The following IGSF22 variants were observed in gnomAD, a reference collection of about 807,000 sequenced individuals.
The protein encoded by IGSF22 is immunoglobulin superfamily member 22.
Under a neutral mutation model 127.0 loss-of-function variants are expected in IGSF22, and 119 were observed. That is an observed-to-expected ratio of 0.94 (90% CI 0.81 to 1.09). The LOEUF (loss-of-function observed/expected upper bound fraction) is 1.09. Ranked by LOEUF, IGSF22 falls within the 50% of genes least tolerant of loss-of-function variation. The probability of loss-of-function intolerance (pLI) is 0.00; values close to 1 mark genes in which losing one functional copy is unlikely to be tolerated. For synonymous variants in IGSF22, 568 were observed against 664.7 expected, an observed-to-expected ratio of 0.85 and a Z score of 2.24; for missense variants, 1,518 against 1,716.6, an observed-to-expected ratio of 0.88 and a Z score of 2.04.
In IGSF22 at chr11:18,705,975, A is replaced by G. The variant is rs1474156705; in HGVS notation, c.3752T>C (p.Val1251Ala). The change falls in exon 22 of 23, where the codon GTC (valine) becomes GCC (alanine). Residue 1251 changes from valine to alanine, a missense_variant. By Grantham distance (64) the Val-to-Ala change is moderately conservative. Coordinates refer to ENST00000513874, the MANE Select transcript of IGSF22 (RefSeq NM_173588.4). ...RPTVTLYKGD[V>A]NITANSKFWY... ...GAACTTGGAGTTGGCCGTGATGTTG[A>G]CGTCGCCCTTGTAGAGGGTCACTGT... The G allele has an allele frequency of 4.5e-6, 7 of 1,551,608 alleles. No homozygotes were observed. Among genetic ancestry groups the G allele is most frequent in the Non-Finnish European group, 5.2e-6 (6 of 1,146,984 alleles).
chr11:18,711,683 C>T (rs1848359509), intron 15 of IGSF22, among the ~76,000 whole-genome samples: 1 of 152,206 alleles, frequency 6.6e-6, no homozygotes, highest in South Asian at 2.1e-4. Context: ...CAGGTGTGCG[C>T]CACTGTGCCC....
intron 1 of IGSF22, among the ~76,000 whole-genome samples, chr11:18,725,535 G>A (rs1848638443): frequency 6.6e-6 from 1 of 151,684 alleles, no homozygotes; most frequent in Non-Finnish European, 1.5e-5. Context: ...CTGCCTCCCA[G>A]GTTCAAGCAA....
At position 18,720,109 on chromosome 11, in the gene IGSF22, G is replaced by A. The variant is rs1848542849; in HGVS notation, c.479-6C>T. On this transcript the variant is annotated splice_polypyrimidine_tract_variant and splice_region_variant and intron_variant, in intron 5 of 22. Transcript: ENST00000513874. ...GAAGTCCATTTTCTCTTGACCTGAG[G>A]ATAGACAGAGGGACAGGTTCAGACA... 3 of 1,614,022 alleles carry A rather than the reference G, an allele frequency of 1.9e-6. No homozygotes were observed. Among genetic ancestry groups the A allele is most frequent in the Non-Finnish European group, 2.5e-6 (3 of 1,179,996 alleles).
intron 2 of IGSF22, among the ~76,000 whole-genome samples, 153 bp downstream of exon 2, chr11:18,723,975 C>T (rs1398298425): frequency 2.0e-5 from 3 of 152,202 alleles, no homozygotes; most frequent in African/African-American, 7.2e-5. Context: ...TTAACAAAGC[C>T]AAGATTAGAA....
chr11:18,710,860 G>A, intron 15 of IGSF22, 32 bp from the exon 16 acceptor site: 1 of 1,586,040 alleles, frequency 6.3e-7, no homozygotes. Flanking sequence ...CAAAGGTTAG[G>A]AGGGGGAGCA....
intron 1 of IGSF22, among the ~76,000 whole-genome samples, chr11:18,725,580 A>G (rs1848639221): frequency 6.6e-6 from 1 of 152,094 alleles, no homozygotes; most frequent in South Asian, 2.1e-4. Context: ...AGCTGGGACT[A>G]CAGGCACCCG....
Position 18,706,077 on chromosome 11 carries a change from G to A in IGSF22, c.3650C>T (p.Thr1217Met), listed in dbSNP as rs1444970986. ...GAGCACCGTGTGTGGCTTGAGGGGCGTCACGAAGCGCGGCGCGTGGCGCCA... is the reference window on the plus strand; with the variant it reads ...GAGCACCGTGTGTGGCTTGAGGGGCATCACGAAGCGCGGCGCGTGGCGCCA... ...KDWRHAPRFVTPLKPHTVLRG... is the reference protein window; with the variant it reads ...KDWRHAPRFVMPLKPHTVLRG... The change falls in exon 22 of 23, where the codon ACG becomes ATG. Residue 1217 changes from threonine (T) to methionine (M), a missense_variant. This residue lies in a region of IGSF22 where 1,456 missense variants were observed against 1,644.9 expected (regional missense o/e 0.89). Transcript: ENST00000513874. The A allele has an allele frequency of 3.2e-6, 5 of 1,549,882 alleles. No individual in the cohort carries two copies. The African/African-American group carries it at 6.8e-5, about 21-fold the overall frequency.
At position 18,724,237 on chromosome 11, in the gene IGSF22, G is replaced by A. The variant is rs771853180; in HGVS notation, c.-1C>T. The stretch of plus-strand genomic sequence containing the variant: ...TCTGCCGGCTGTGAATGGTTGTCAT[G>A]GTGACAGCAGGCGTGGGCACTCACC... On this transcript the variant is annotated 5_prime_UTR_variant, in exon 2 of 23. Transcript: ENST00000513874. 2.5e-6 allele frequency: 4 copies of A among 1,611,322 alleles called. No individual in the cohort carries two copies. Among genetic ancestry groups the A allele is most frequent in the Admixed American group, 3.3e-5 (2 of 60,000 alleles).
rs1406296527 is a variant in IGSF22 at position 18,710,366 on chromosome 11, T to G, written c.2662A>C (p.Ser888Arg). ...GCCACTACTGAGCTGGATGGCACACTGGGCTGTCCAGGGCCTGCCTTATTT... is the reference window on the plus strand; with the variant it reads ...GCCACTACTGAGCTGGATGGCACACGGGGCTGTCCAGGGCCTGCCTTATTT... ...AVNKAGPGQP[S>R]VPSSSVVAKD... The change falls in exon 17 of 23, where the codon AGT becomes CGT. Residue 888 changes from serine (S) to arginine (R), a missense_variant. Physicochemically the swap from Ser to Arg is moderately radical, Grantham distance 110 (BLOSUM62 -1). This residue lies in a region of IGSF22 where 1,456 missense variants were observed against 1,644.9 expected (regional missense o/e 0.89). Transcript: ENST00000513874. The G allele has an allele frequency of 1.2e-6, 2 of 1,614,118 alleles. No individual in the cohort carries two copies. The highest frequency in any genetic ancestry group is 1.6e-4 in the Middle Eastern group (1 of 6,084).
chr11:18,717,374 T>G lies in IGSF22; in HGVS notation c.974-374A>C, dbSNP rs559579416. On this transcript the variant is annotated intron_variant, in intron 9 of 22. Coordinates refer to ENST00000513874, the MANE Select transcript of IGSF22 (RefSeq NM_173588.4). Reference sequence around the variant, plus strand: ...TGACCTAAATCACAAAGCTCATAAGTGGCAGAAAGCGGGATTTGACCTCTA... The same window carrying G: ...TGACCTAAATCACAAAGCTCATAAGGGGCAGAAAGCGGGATTTGACCTCTA... Among the ~76,000 whole-genome samples the G allele has an allele frequency of 2.6e-5, 4 of 152,320 alleles. No individual in the cohort carries two copies. In the South Asian group the frequency reaches 6.2e-4, roughly 24 times the overall value.
At position 18,721,935 on chromosome 11, in the gene IGSF22, C is replaced by A. The variant is rs1554905917; in HGVS notation, c.216G>T (p.Lys72Asn). 1.2e-6 allele frequency: 2 copies of A among 1,613,692 alleles called. No individual in the cohort carries two copies. Among genetic ancestry groups the A allele is most frequent in the Non-Finnish European group, 1.7e-6 (2 of 1,180,036 alleles). The change falls in exon 3 of 23, where the codon AAG (lysine) becomes AAT (asparagine). Residue 72 changes from lysine to asparagine, a missense_variant. By Grantham distance (94) the Lys-to-Asn change is moderately conservative. Around this residue, in one of 3 missense-constraint regions of IGSF22, gnomAD observed 1,456 missense variants for 1,644.9 expected, o/e 0.89. Transcript: ENST00000513874. ...AGDSVPEFVEKPQPVTAPEGD... is the reference protein window; with the variant it reads ...AGDSVPEFVENPQPVTAPEGD... ...CCTCGGGCGCGGTGACCGGTTGAGG[C>A]TTCTCCACGAACTCAGGGACGCTGT...
rs1298891053 is a variant in IGSF22 at position 18,709,368 on chromosome 11, G to GC, written c.2998+18dup. 1 of 1,609,416 alleles carries GC rather than the reference G, an allele frequency of 6.2e-7. No individual in the cohort carries two copies. On this transcript the variant is annotated intron_variant, in intron 18 of 22. Transcript: ENST00000513874. This position sits in a 1 kb window ranked among gnomAD's most constrained non-coding sequence, Gnocchi z 4.8. ...GTACAATGTTGGGCATGAATCCCCAGCCCTCTCTGTGTCCTCACCTGGTGG... is the reference window on the plus strand; with the variant it reads ...GTACAATGTTGGGCATGAATCCCCAGCCCCTCTCTGTGTCCTCACCTGGTGG...
chr11:18,714,738 A>T, intron 11 of IGSF22, 114 bp from the exon 12 acceptor site: 1 of 1,382,120 alleles, frequency 7.2e-7, no homozygotes, highest in Non-Finnish European at 9.7e-7. Context: ...GCGTCAATCA[A>T]AATAATTTAT....
At position 18,714,200 on chromosome 11, in the gene IGSF22, T is replaced by C. The variant is rs779973354; in HGVS notation, c.1799-52A>G. 5 of 1,593,854 alleles carry C rather than the reference T, an allele frequency of 3.1e-6. No homozygotes were observed. The East Asian group carries it at 6.7e-5, about 21-fold the overall frequency. ...TTGAGCATTGGCATGGAGGAGCCCA[T>C]GGGGCGGGGGAGAAGCCATGAGCTT... On this transcript the variant is annotated intron_variant, in intron 13 of 22. Coordinates refer to ENST00000513874, the MANE Select transcript of IGSF22 (RefSeq NM_173588.4).
At position 18,706,092 on chromosome 11, in the gene IGSF22, G is replaced by A. The variant is rs912269887; in HGVS notation, c.3635C>T (p.Ala1212Val). The A allele has an allele frequency of 1.3e-6, 2 of 1,548,432 alleles. No individual in the cohort carries two copies. The highest frequency in any genetic ancestry group is 1.4e-5 in the African/African-American group (1 of 73,184). ...CTTGAGGGGCGTCACGAAGCGCGGC[G>A]CGTGGCGCCAGTCCTTCTTCTCGTA... ...KPYEKKDWRH[A>V]PRFVTPLKPH... The change falls in exon 22 of 23, where the codon GCG (alanine) becomes GTG (valine). Residue 1212 changes from alanine to valine, a missense_variant. Ala to Val is a moderately conservative substitution (Grantham distance 64, BLOSUM62 0). This residue lies in a region of IGSF22 where 1,456 missense variants were observed against 1,644.9 expected (regional missense o/e 0.89). Transcript: ENST00000513874.
Position 18,717,915 on chromosome 11 carries a change from A to T in IGSF22, c.973+16T>A, listed in dbSNP as rs1319670036. On this transcript the variant is annotated intron_variant, in intron 9 of 22. Coordinates refer to ENST00000513874, the MANE Select transcript of IGSF22 (RefSeq NM_173588.4). The stretch of plus-strand genomic sequence containing the variant: ...CGACATGTCCTCCTTGTGCCCTTGC[A>T]TGCCCCCACTCATACCCAGCACTGT... 6.2e-7 allele frequency: 1 copy of T among 1,609,740 alleles called. No individual in the cohort carries two copies. Among genetic ancestry groups the T allele is most frequent in the Admixed American group, 1.7e-5 (1 of 59,830 alleles).
chr11:18,705,784 C>T, intron 22 of IGSF22, 33 bp downstream of exon 22: 1 of 1,507,020 alleles, frequency 6.6e-7, no homozygotes, highest in Non-Finnish European at 8.9e-7. Flanking sequence ...CGCCTCTCCC[C>T]CTCCTCGAGG....
rs117051022 is a variant in IGSF22, at chr11:18,707,039, T to C, written c.3455A>G (p.Asn1152Ser). 152 of 1,551,694 alleles carry C rather than the reference T, an allele frequency of 9.8e-5. 1 individual carries two copies. In the East Asian group the frequency reaches 3.5e-3, roughly 36 times the overall value. The change falls in exon 21 of 23, where the codon AAC becomes AGC. Residue 1152 changes from asparagine (N) to serine (S), a missense_variant. Asn to Ser is a conservative substitution (Grantham distance 46). Transcript: ENST00000513874. ...WYTAAERVFSNKYTVTGLLPG... is the reference protein window; with the variant it reads ...WYTAAERVFSSKYTVTGLLPG... ...GAGCAGCCCCGTCACTGTGTACTTGTTGCTGAAGACACGCTCGGCTGCCGT... is the reference window on the plus strand; with the variant it reads ...GAGCAGCCCCGTCACTGTGTACTTGCTGCTGAAGACACGCTCGGCTGCCGT...
intron 19 of IGSF22, 54 bp from the exon 20 acceptor site, chr11:18,708,050 A>G (rs7110914): frequency 0.1 from 165,897 of 1,599,816 alleles, 8,949 homozygotes; most frequent in Admixed American, 0.12. Context: ...ATTTGGGGGC[A>G]GGCCTTCCTC....
Sources: allele counts gnomAD v4.1 joint callset (sites outside exome capture counted in the v4.1 genomes callset), GRCh38; gene constraint gnomAD v4.1.1; regional missense constraint gnomAD v4.1.1; non-coding constraint Gnocchi (gnomAD v3.1); transcripts MANE v1.5; gene names NCBI Gene and HGNC (gene_info 2026-07-23, HGNC 2026-07-21).